Variants in COL4A4 observed in about 807,000 individuals in gnomAD.
COL4A4 encodes the protein collagen type IV alpha 4 chain.
COL4A4 carries 105 observed loss-of-function variants against 192.9 expected under a neutral mutation model. The ratio of observed to expected loss-of-function variants is 0.54; its 90% confidence interval spans 0.46 to 0.64. The LOEUF is 0.64. COL4A4 is among the 30% of genes least tolerant of loss of function. The pLI is 0.00. For missense variants in COL4A4, 1,967 were observed against 2,169.3 expected (o/e 0.91, Z 1.85); for synonymous variants, 762 against 769.9 (o/e 0.99, Z 0.17).
Position 227,082,284 on chromosome 2 carries a change from T to C in COL4A4, c.1624-97A>G, listed in dbSNP as rs566077123. 6.2e-6 allele frequency: 7 copies of C among 1,124,774 alleles called. No individual in the cohort carries two copies. The Admixed American group carries it at 8.5e-5, about 14-fold the overall frequency. 69.7% of individuals were successfully genotyped at this position (1,124,774 alleles called of 1,614,324 possible). A position where few individuals can be genotyped will look rare whatever the true frequency, so the allele number is the denominator to read the frequency against. ...TCTCTCTCTTCTTCCCTCCTAAATC[T>C]CTTGTTAAAGATTCTAGCTTGGCAT... On this transcript the variant is annotated intron_variant, in intron 22 of 47. Transcript: ENST00000396625.
intron 22 of COL4A4, among the ~76,000 whole-genome samples, chr2:227,085,013 C>T (rs569601497): frequency 6.6e-6 from 1 of 151,096 alleles, no homozygotes; most frequent in African/African-American, 2.5e-5. Flanking sequence ...TGCCTGTAGT[C>T]TCAGCTACTC....
intron 9 of COL4A4, 79 bp from the exon 10 acceptor site, chr2:227,109,365 TG>T: frequency 8.4e-7 from 1 of 1,191,924 alleles, no homozygotes; most frequent in Admixed American, 1.7e-5. Flanking sequence ...TGTGATCCCA[TG>T]TGGATAAAAA....
downstream of COL4A4, chr2:226,997,855 T>C (rs1432315081): frequency 6.6e-6 from 1 of 152,254 alleles, no homozygotes; most frequent in Admixed American, 6.5e-5. Context: ...ATAATTATTT[T>C]AGTTAATGGA....
At chr2:227,027,795 TTAAA>T (rs745948833) in intron 42 of COL4A4, 103 bp downstream of exon 42, 1 of 860,504 alleles carries the variant, frequency 1.2e-6, no homozygotes, top group Admixed American at 1.7e-5. Flanking sequence ...AGAAAAGGGC[TTAAA>T]TAATAAGAAT....
At chr2:227,076,771 A>AG (rs1332530514) in intron 25 of COL4A4, among the ~76,000 whole-genome samples, 1 of 152,250 alleles carries the variant, frequency 6.6e-6, no homozygotes, top group Non-Finnish European at 1.5e-5. Flanking sequence ...AGAATATACA[A>AG]GGAACTTAAA....
Position 227,141,811 on chromosome 2 carries a change from A to T in COL4A4, c.115-1573T>A, listed in dbSNP as rs1260555188. On this transcript the variant is annotated intron_variant, in intron 3 of 47. Transcript: ENST00000396625. The stretch of plus-strand genomic sequence containing the variant: ...TTAAGTTAAACACCCTGATAAGGTT[A>T]AAAAAAAAATTAAATGCCCGGGCCC... Among the ~76,000 whole-genome samples, 5 of 149,784 alleles carry T rather than the reference A, an allele frequency of 3.3e-5. No homozygotes were observed. The Admixed American group carries it at 3.3e-4, about 10-fold the overall frequency.
At chr2:227,042,580 C>T (rs1420404893) in intron 36 of COL4A4, among the ~76,000 whole-genome samples, 1 of 152,036 alleles carries the variant, frequency 6.6e-6, no homozygotes, top group Non-Finnish European at 1.5e-5. Flanking sequence ...AACAAACAAA[C>T]AAAACAGCAT....
chr2:226,990,157 T>A, the COL4A4 span, among the ~76,000 whole-genome samples: 1 of 152,234 alleles, frequency 6.6e-6, no homozygotes, highest in Non-Finnish European at 1.5e-5. Context: ...TTTAAGCATC[T>A]CCCCTTTTCA....
chr2:227,058,908 A>G (rs561044738), intron 28 of COL4A4, among the ~76,000 whole-genome samples: 298 of 82,710 alleles, frequency 3.6e-3, no homozygotes, highest in Non-Finnish European at 2.0e-3. Context: ...CTTGCGTTTG[A>G]TGCCCTCCTG....
At chr2:227,065,195 C>T (rs2058235558) in intron 25 of COL4A4, among the ~76,000 whole-genome samples, 1 of 152,212 alleles carries the variant, frequency 6.6e-6, no homozygotes, top group Admixed American at 6.5e-5. Flanking sequence ...TAAAAAACGG[C>T]GCACCAGGAG....
At chr2:227,037,457 G>A (rs140024310) in intron 37 of COL4A4, among the ~76,000 whole-genome samples, 1,789 of 152,288 alleles carry the variant, frequency 0.012, 21 homozygotes, top group African/African-American at 0.041. Flanking sequence ...TGGTGTACAT[G>A]TGCCACATTT....
chr2:227,066,434 AT>A (rs1371515331), intron 25 of COL4A4, among the ~76,000 whole-genome samples: 3 of 152,220 alleles, frequency 2.0e-5, no homozygotes, highest in East Asian at 1.9e-4. Context: ...CAAAGTTGAA[AT>A]GAAGGAAAAA....
At chr2:227,137,549 T>C (rs1267065506) in intron 4 of COL4A4, among the ~76,000 whole-genome samples, 1 of 152,234 alleles carries the variant, frequency 6.6e-6, no homozygotes, top group African/African-American at 2.4e-5. Flanking sequence ...GGCTTCTCAA[T>C]CTTGGCACAG....
intron 44 of COL4A4, among the ~76,000 whole-genome samples, chr2:227,020,496 C>T (rs1417242002): frequency 6.6e-6 from 1 of 152,206 alleles, no homozygotes; most frequent in Non-Finnish European, 1.5e-5. Flanking sequence ...GGCTCCAGGG[C>T]TGTTTTGGTC....
At chr2:226,969,490 C>G in the COL4A4 span, among the ~76,000 whole-genome samples, 120 of 141,608 alleles carry the variant, frequency 8.5e-4, no homozygotes, top group African/African-American at 3.0e-3. Context: ...GTGTTGAATA[C>G]TTTGCCTAAA....
At chr2:226,977,119 T>G in the COL4A4 span, among the ~76,000 whole-genome samples, 3 of 152,172 alleles carry the variant, frequency 2.0e-5, no homozygotes, top group Non-Finnish European at 4.4e-5. Flanking sequence ...TTTGGTCATT[T>G]GTTTCTGTGC....
chr2:227,118,918 G>A (rs527323298), intron 6 of COL4A4, among the ~76,000 whole-genome samples, 157 bp from the exon 7 acceptor site: 2 of 152,298 alleles, frequency 1.3e-5, no homozygotes, highest in Non-Finnish European at 2.9e-5. Flanking sequence ...TACGTAGCAT[G>A]TAAAAATAAA....
chr2:227,063,623 A>G (rs1275252187), intron 25 of COL4A4, among the ~76,000 whole-genome samples: 1 of 152,160 alleles, frequency 6.6e-6, no homozygotes, highest in Non-Finnish European at 1.5e-5. Flanking sequence ...GTTTTCAGCT[A>G]TAATCCTGAA....
chr2:227,079,111 G>A (rs1244081796), intron 24 of COL4A4, among the ~76,000 whole-genome samples: 1 of 152,124 alleles, frequency 6.6e-6, no homozygotes, highest in Non-Finnish European at 1.5e-5. Context: ...ATCCCTTCTT[G>A]CACCCCACCT....
Sources: allele counts gnomAD v4.1 joint callset (sites outside exome capture counted in the v4.1 genomes callset), GRCh38; gene constraint gnomAD v4.1.1; transcripts MANE v1.5; gene names NCBI Gene and HGNC (gene_info 2026-07-23, HGNC 2026-07-21).